HECW1: variants seen among roughly 807,000 people sequenced by gnomAD.
The protein encoded by HECW1 is HECT, C2 and WW domain containing E3 ubiquitin protein ligase 1.
A neutral mutation model predicts 182.3 loss-of-function variants in HECW1; 61 were observed. The observed-to-expected ratio is 0.33, with a 90% CI of 0.27 to 0.41. The LOEUF (loss-of-function observed/expected upper bound fraction) is 0.41. Among genes scored for constraint, HECW1 ranks in the 10% least tolerant of loss-of-function variants. HECW1 has a pLI of 1.00. For synonymous variants in HECW1, 859 were observed against 832.6 expected, an observed-to-expected ratio of 1.03 and a Z score of -0.55; for missense variants, 1,739 against 2,108.9, an observed-to-expected ratio of 0.82 and a Z score of 3.44.
chr7:43,503,004 A>G (rs2152925348), intron 21 of HECW1, among the ~76,000 whole-genome samples: 1 of 152,284 alleles, frequency 6.6e-6, no homozygotes, highest in East Asian at 1.9e-4. Context: ...AGGTCTCCAG[A>G]CTAGAGTATC....
At chr7:43,220,707 C>T (rs989666666) in intron 2 of HECW1, among the ~76,000 whole-genome samples, 2 of 152,208 alleles carry the variant, frequency 1.3e-5, no homozygotes, top group Non-Finnish European at 2.9e-5. Context: ...TTTGGCTGAG[C>T]AGGTACATTA....
intron 6 of HECW1, 163 bp from the exon 7 acceptor site, chr7:43,396,651 T>C: frequency 1.8e-6 from 1 of 564,714 alleles, no homozygotes; most frequent in South Asian, 2.2e-5. Flanking sequence ...GGAAAAACAT[T>C]AGGTTGCTAG....
intron 6 of HECW1, among the ~76,000 whole-genome samples, chr7:43,394,084 G>A (rs2075141737): frequency 6.6e-6 from 1 of 152,190 alleles, no homozygotes; most frequent in South Asian, 2.1e-4. Context: ...TGTCCTGGTG[G>A]TGCAGTATAG....
intron 3 of HECW1, among the ~76,000 whole-genome samples, chr7:43,255,430 C>G (rs1471020092): frequency 2.0e-5 from 3 of 152,038 alleles, no homozygotes; most frequent in South Asian, 4.1e-4. Context: ...GAAACCCCCT[C>G]TCTACCAAAA....
chr7:43,279,066 C>A (rs1209295876), intron 3 of HECW1, among the ~76,000 whole-genome samples: 1 of 152,148 alleles, frequency 6.6e-6, no homozygotes, highest in Non-Finnish European at 1.5e-5. Flanking sequence ...AGAGCAAGGA[C>A]AGTGTTATTT....
At chr7:43,155,557 A>T (rs897006632) in intron 2 of HECW1, among the ~76,000 whole-genome samples, 1 of 152,230 alleles carries the variant, frequency 6.6e-6, no homozygotes, top group Non-Finnish European at 1.5e-5. Context: ...TTGGCAAAAG[A>T]ATTTTATATA....
At chr7:43,485,225 C>A (rs75897845) in intron 17 of HECW1, among the ~76,000 whole-genome samples, 155 of 152,242 alleles carry the variant, frequency 1.0e-3, no homozygotes, top group African/African-American at 3.6e-3. Context: ...CAGTGAGCTT[C>A]TTTGATGGCA....
chr7:43,380,711 T>C (rs886521069), intron 6 of HECW1, among the ~76,000 whole-genome samples: 1 of 152,026 alleles, frequency 6.6e-6, no homozygotes, highest in African/African-American at 2.4e-5. Context: ...GTATTTTTAG[T>C]AGAGACAGGG....
chr7:43,140,124 AT>A (rs57771277), intron 2 of HECW1, among the ~76,000 whole-genome samples: 1 of 151,758 alleles, frequency 6.6e-6, no homozygotes, highest in Admixed American at 6.6e-5. Context: ...TTTGTTTCAT[AT>A]TTTTTCCCCA....
rs147902498 is a variant in HECW1, at chr7:43,138,113, C to T, written c.-32+23722C>T. Among the ~76,000 whole-genome samples the T allele has an allele frequency of 2.9e-3, 445 of 152,256 alleles. 12 individuals carry two copies. The highest frequency in any genetic ancestry group is 0.026 in the Admixed American group (394 of 15,292). ...CTATAAAAGTCAGAATAATAACCCTCGAATTTTTTTCTCTAGCTGTAAAAG... is the reference window on the plus strand; with the variant it reads ...CTATAAAAGTCAGAATAATAACCCTTGAATTTTTTTCTCTAGCTGTAAAAG... On this transcript the variant is annotated intron_variant, in intron 2 of 29. Transcript: ENST00000395891.
chr7:43,488,324 GAGGAAGGAAGGAAGGAAGGAAGGA>G (rs200213322), intron 17 of HECW1, among the ~76,000 whole-genome samples: 2,774 of 42,162 alleles, frequency 0.066, 142 homozygotes, highest in African/African-American at 0.11. Context: ...AAGAAAGAAA[GAGGAAGGAAGGAAGGAAGGAAGGA>G]AGGAAGGAAG....
intron 24 of HECW1, among the ~76,000 whole-genome samples, chr7:43,515,631 C>T (rs2080111202): frequency 6.6e-6 from 1 of 152,166 alleles, no homozygotes; most frequent in African/African-American, 2.4e-5. Context: ...AGTGCAAAGA[C>T]ACCTTTTTAA....
At chr7:43,308,039 T>TA (rs1807865259) in intron 3 of HECW1, among the ~76,000 whole-genome samples, 1 of 114,226 alleles carries the variant, frequency 8.8e-6, no homozygotes, top group Non-Finnish European at 1.6e-5. Flanking sequence ...ATATATTATA[T>TA]TGTATTATAT....
At chr7:43,512,573 C>A (rs2079929619) in intron 24 of HECW1, among the ~76,000 whole-genome samples, 1 of 152,144 alleles carries the variant, frequency 6.6e-6, no homozygotes, top group South Asian at 2.1e-4. Flanking sequence ...TTATCATAAT[C>A]ATTAATAAAA....
In HECW1 at chr7:43,292,987, G is replaced by A. The variant is rs138954207; in HGVS notation, c.28-18776G>A. On this transcript the variant is annotated intron_variant, in intron 3 of 29. Coordinates refer to ENST00000395891, the MANE Select transcript of HECW1 (RefSeq NM_015052.5). ...CACCTGTAATCCCATCACTTTGGGA[G>A]GCCAAGGCGGGTGGATCATGAGGTC... Among the ~76,000 whole-genome samples, 31 of 152,174 alleles carry A rather than the reference G, an allele frequency of 2.0e-4. No individual in the cohort carries two copies. In the East Asian group the frequency reaches 6.0e-3, roughly 29 times the overall value.
chr7:43,467,008 T>A (rs1449593838), intron 15 of HECW1, among the ~76,000 whole-genome samples: 1 of 152,248 alleles, frequency 6.6e-6, no homozygotes, highest in African/African-American at 2.4e-5. Context: ...TGAAGTTAAA[T>A]TTCATATGAT....
At chr7:43,289,479 A>T (rs1292384326) in intron 3 of HECW1, among the ~76,000 whole-genome samples, 1 of 152,116 alleles carries the variant, frequency 6.6e-6, no homozygotes, top group Admixed American at 6.5e-5. Context: ...CAGACTCTTT[A>T]TGAGACCTCC....
intron 3 of HECW1, among the ~76,000 whole-genome samples, chr7:43,297,065 G>A (rs1294077757): frequency 2.0e-5 from 3 of 152,206 alleles, no homozygotes. Flanking sequence ...TATTGAATTA[G>A]AATCTCCAGG....
chr7:43,281,223 A>T (rs576954500), intron 3 of HECW1, among the ~76,000 whole-genome samples: 1 of 152,182 alleles, frequency 6.6e-6, no homozygotes, highest in African/African-American at 2.4e-5. Context: ...AGCCCGAATC[A>T]TTTGCGTCAT....
Sources: allele counts gnomAD v4.1 joint callset (sites outside exome capture counted in the v4.1 genomes callset), GRCh38; gene constraint gnomAD v4.1.1; transcripts MANE v1.5; gene names NCBI Gene and HGNC (gene_info 2026-07-23, HGNC 2026-07-21).